The following FGGY variants were observed in gnomAD, a reference collection of about 807,000 sequenced individuals.
The protein encoded by FGGY is FGGY carbohydrate kinase domain-containing protein.
In FGGY, 72 loss-of-function variants were observed where a neutral mutation model predicts 71.3. The observed-to-expected ratio is 1.01, with a 90% CI of 0.84 to 1.23. The LOEUF (loss-of-function observed/expected upper bound fraction) is 1.23, where lower values mean the gene tolerates loss of function less well. Among genes scored for constraint, FGGY ranks in the 50% most tolerant of loss-of-function variants. FGGY has a pLI of 0.00. For missense variants in FGGY, 668 were observed against 682.3 expected (o/e 0.98, Z 0.23); for synonymous variants, 251 against 250.3 (o/e 1.00, Z -0.02).
intron 5 of FGGY, among the ~76,000 whole-genome samples, chr1:59,411,420 T>C (rs1048415744): frequency 6.6e-6 from 1 of 152,268 alleles, no homozygotes; most frequent in East Asian, 1.9e-4. Flanking sequence ...GTTTATCCAC[T>C]GTAAAGTTAC....
intron 14 of FGGY, among the ~76,000 whole-genome samples, chr1:59,747,545 C>T (rs2098210667): frequency 6.6e-6 from 1 of 152,180 alleles, no homozygotes; most frequent in Non-Finnish European, 1.5e-5. Context: ...CAGAAAACCA[C>T]ATGTGCACAA....
intron 4 of FGGY, among the ~76,000 whole-genome samples, chr1:59,371,376 A>G (rs2057596750): frequency 6.6e-6 from 1 of 152,182 alleles, no homozygotes; most frequent in Non-Finnish European, 1.5e-5. Context: ...ATATATATGC[A>G]CCCAATACAG....
chr1:59,524,680 G>A (rs770824994), intron 7 of FGGY, among the ~76,000 whole-genome samples: 2 of 152,044 alleles, frequency 1.3e-5, no homozygotes, highest in Non-Finnish European at 2.9e-5. Context: ...TACCCACTTC[G>A]GGTCTCCTCT....
chr1:59,414,797 C>G (rs550716427), intron 5 of FGGY, among the ~76,000 whole-genome samples: 72 of 152,342 alleles, frequency 4.7e-4, no homozygotes, highest in African/African-American at 1.7e-3. Context: ...CCTACACTTT[C>G]TCCTAGTCCA....
intron 6 of FGGY, among the ~76,000 whole-genome samples, chr1:59,479,721 C>T (rs1318124727): frequency 2.0e-5 from 3 of 151,982 alleles, no homozygotes; most frequent in Non-Finnish European, 4.4e-5. Context: ...TACAGAGGAT[C>T]GGGGAAAAGA....
At chr1:59,730,849 G>C (rs1425585639) in intron 14 of FGGY, among the ~76,000 whole-genome samples, 1 of 152,224 alleles carries the variant, frequency 6.6e-6, no homozygotes, top group African/African-American at 2.4e-5. Context: ...CCCAGCCAAG[G>C]AGACAGCACA....
At chr1:59,545,592 C>T (rs912665395) in intron 7 of FGGY, among the ~76,000 whole-genome samples, 5 of 152,150 alleles carry the variant, frequency 3.3e-5, no homozygotes, top group Admixed American at 6.5e-5. Context: ...TTCTAGTTTT[C>T]TCTAAGTCTC....
rs1428367502 is a variant in FGGY, at chr1:59,614,155, A to G, written c.1011+6245A>G. On this transcript the variant is annotated intron_variant, in intron 9 of 15. Coordinates refer to ENST00000303721, the MANE Select transcript of FGGY (RefSeq NM_018291.5). ...CCTCCCTAACTCATTTTATGAGGCC[A>G]GCATCATCCTGATACCAAAGCCTGG... Among the ~76,000 whole-genome samples the G allele has an allele frequency of 6.6e-4, 101 of 152,236 alleles. 1 individual carries two copies. Among genetic ancestry groups the G allele is most frequent in the Non-Finnish European group, 1.8e-4 (12 of 68,028 alleles).
intron 7 of FGGY, among the ~76,000 whole-genome samples, chr1:59,528,161 A>G (rs950147841): frequency 1.3e-5 from 2 of 152,246 alleles, no homozygotes; most frequent in Admixed American, 1.3e-4. Context: ...CTGTCTGTAC[A>G]TAATCCAGAA....
intron 8 of FGGY, among the ~76,000 whole-genome samples, chr1:59,594,526 C>A (rs372944977): frequency 3.9e-5 from 6 of 152,202 alleles, no homozygotes; most frequent in African/African-American, 1.4e-4. Context: ...CTGCTTCTTC[C>A]TGGCACCAGG....
intron 14 of FGGY, among the ~76,000 whole-genome samples, chr1:59,714,575 A>G (rs2097828365): frequency 1.3e-5 from 2 of 152,242 alleles, no homozygotes; most frequent in African/African-American, 4.8e-5. Flanking sequence ...GGAATTAAAT[A>G]TAAAACAAAC....
At chr1:59,647,457 T>C (rs1204251234) in intron 11 of FGGY, among the ~76,000 whole-genome samples, 2 of 152,174 alleles carry the variant, frequency 1.3e-5, no homozygotes, top group African/African-American at 4.8e-5. Flanking sequence ...TACACAAATC[T>C]AGTGGCTTAA....
rs1199189786 is a variant in FGGY at position 59,361,472 on chromosome 1, GT to G, written c.465+15077del. Among the ~76,000 whole-genome samples the G allele has an allele frequency of 9.2e-5, 14 of 152,306 alleles. 1 individual carries two copies. In the South Asian group the frequency reaches 2.9e-3, roughly 32 times the overall value. The stretch of plus-strand genomic sequence containing the variant: ...GGTAATAAGCAGTTGAGGTGAGGCA[GT>G]TTGTAAAAGCTAGTCTGGTGGCAGT... On this transcript the variant is annotated intron_variant, in intron 4 of 15. Coordinates refer to ENST00000303721, the MANE Select transcript of FGGY (RefSeq NM_018291.5).
chr1:59,731,643 G>A lies in FGGY; in HGVS notation c.1513-26288G>A, dbSNP rs189175487. 1.3e-4 allele frequency among the ~76,000 whole-genome samples: 19 copies of A among 151,850 alleles called. No homozygotes were observed. The East Asian group carries it at 3.5e-3, about 28-fold the overall frequency. Reference sequence around the variant, plus strand: ...GAAGTGAGAAGAGGAGATGGGGGTGGGGGGCATTCTCCATATGATTTATCT... The same window carrying A: ...GAAGTGAGAAGAGGAGATGGGGGTGAGGGGCATTCTCCATATGATTTATCT... On this transcript the variant is annotated intron_variant, in intron 14 of 15. Transcript: ENST00000303721.
chr1:59,305,386 G>A (rs2043294756), intron 1 of FGGY, among the ~76,000 whole-genome samples: 1 of 152,096 alleles, frequency 6.6e-6, no homozygotes, highest in Admixed American at 6.6e-5. Flanking sequence ...AACCATCCTT[G>A]CATTACAAGG....
At chr1:59,439,308 G>C (rs949142962) in intron 5 of FGGY, among the ~76,000 whole-genome samples, 5 of 152,164 alleles carry the variant, frequency 3.3e-5, no homozygotes, top group Admixed American at 6.5e-5. Context: ...CCATAAATTA[G>C]AAACAACTAT....
chr1:59,372,099 C>G (rs2057757311), intron 4 of FGGY, among the ~76,000 whole-genome samples: 2 of 152,126 alleles, frequency 1.3e-5, no homozygotes, highest in Admixed American at 6.5e-5. Flanking sequence ...ACAAAAAACC[C>G]TTCAAAAAGT....
chr1:59,310,805 C>T (rs935720830), intron 1 of FGGY, among the ~76,000 whole-genome samples: 8 of 152,322 alleles, frequency 5.3e-5, no homozygotes. Context: ...GCTTCAGCCA[C>T]AAGCCACATA....
At chr1:59,509,644 C>G (rs1224100985) in intron 6 of FGGY, among the ~76,000 whole-genome samples, 4 of 152,100 alleles carry the variant, frequency 2.6e-5, no homozygotes, top group Admixed American at 2.6e-4. Flanking sequence ...TTTTTCTGTC[C>G]TTGCTCAAGA....
Sources: gnomAD v4.1 joint callset for allele counts (sites outside exome capture counted in the v4.1 genomes callset) on GRCh38, gnomAD v4.1.1 for gene constraint, MANE v1.5 for transcripts, NCBI Gene and HGNC (gene_info 2026-07-23, HGNC 2026-07-21) for gene names.